Variants in PARD3 observed in about 807,000 individuals in gnomAD.
PARD3 encodes partitioning defective 3 homolog.
PARD3 carries 75 observed loss-of-function variants against 155.4 expected under a neutral mutation model. That is an observed-to-expected ratio of 0.48 (90% CI 0.40 to 0.58). The LOEUF (loss-of-function observed/expected upper bound fraction) is 0.58. PARD3 is among the 20% of genes least tolerant of loss of function. The pLI is 0.00. For synonymous variants in PARD3, 576 were observed against 610.5 expected (o/e 0.94, Z 0.83); for missense variants, 1,642 against 1,721.7 (o/e 0.95, Z 0.82).
At chr10:34,118,494 G>T (rs367596533) in intron 24 of PARD3, among the ~76,000 whole-genome samples, 12 of 152,300 alleles carry the variant, frequency 7.9e-5, no homozygotes, top group African/African-American at 2.2e-4. Flanking sequence ...ACAGGCATGT[G>T]CCACCAAGCC....
At chr10:34,705,663 G>A (rs1254036958) in intron 1 of PARD3, among the ~76,000 whole-genome samples, 2 of 152,102 alleles carry the variant, frequency 1.3e-5, no homozygotes, top group Non-Finnish European at 2.9e-5. Context: ...ATAATGACCT[G>A]TATCACCACA....
chr10:34,553,931 T>C (rs2084793826), intron 2 of PARD3, among the ~76,000 whole-genome samples: 2 of 152,216 alleles, frequency 1.3e-5, no homozygotes, highest in African/African-American at 4.8e-5. Flanking sequence ...TTTATGAATT[T>C]TACTGCTAGA....
intron 2 of PARD3, among the ~76,000 whole-genome samples, chr10:34,576,353 C>T (rs2086888196): frequency 6.6e-6 from 1 of 152,084 alleles, no homozygotes; most frequent in Non-Finnish European, 1.5e-5. Flanking sequence ...CTCTCATCAG[C>T]AATGTTTGTT....
At chr10:34,748,059 C>T (rs928191952) in intron 1 of PARD3, among the ~76,000 whole-genome samples, 7 of 152,188 alleles carry the variant, frequency 4.6e-5, no homozygotes, top group African/African-American at 1.2e-4. Flanking sequence ...ACTTTGCTGT[C>T]CGGAACATCA....
chr10:34,303,570 G>T (rs1957259843), intron 20 of PARD3, among the ~76,000 whole-genome samples: 2 of 151,458 alleles, frequency 1.3e-5, no homozygotes, highest in African/African-American at 2.4e-5. Context: ...CTCAACTTGG[G>T]ATGTTTTCCT....
chr10:34,346,752 GA>G (rs1837473675), intron 15 of PARD3, among the ~76,000 whole-genome samples: 1 of 152,154 alleles, frequency 6.6e-6, no homozygotes, highest in African/African-American at 2.4e-5. Context: ...CATGTAAAAA[GA>G]AAAATGTTGA....
chr10:34,702,928 G>C (rs2094305512), intron 1 of PARD3, among the ~76,000 whole-genome samples: 1 of 152,150 alleles, frequency 6.6e-6, no homozygotes, highest in South Asian at 2.1e-4. Context: ...AAGAACCAGA[G>C]ACTGTATAAA....
chr10:34,242,125 T>G (rs1277108432), intron 22 of PARD3, among the ~76,000 whole-genome samples: 2 of 152,206 alleles, frequency 1.3e-5, no homozygotes, highest in South Asian at 4.1e-4. Flanking sequence ...AATTCACTCC[T>G]GGAGCTCATG....
At chr10:34,133,468 C>A (rs528311188) in intron 22 of PARD3, among the ~76,000 whole-genome samples, 1 of 152,336 alleles carries the variant, frequency 6.6e-6, no homozygotes, top group African/African-American at 2.4e-5. Context: ...AACAGAACGT[C>A]AGACTTCTTG....
At chr10:34,673,606 C>G (rs553867760) in intron 2 of PARD3, among the ~76,000 whole-genome samples, 1 of 152,250 alleles carries the variant, frequency 6.6e-6, no homozygotes, top group East Asian at 1.9e-4. Flanking sequence ...GCTGGGGTGA[C>G]ATTAGTAGCC....
At chr10:34,403,085 G>A (rs747605440) in intron 5 of PARD3, among the ~76,000 whole-genome samples, 10 of 152,142 alleles carry the variant, frequency 6.6e-5, no homozygotes, top group Non-Finnish European at 1.2e-4. Context: ...TAGAAGCTCT[G>A]TAAATGTTTT....
At chr10:34,559,451 GAAA>G (rs10568249) in intron 2 of PARD3, among the ~76,000 whole-genome samples, 7 of 136,004 alleles carry the variant, frequency 5.1e-5, no homozygotes, top group East Asian at 4.5e-4. Context: ...AAAAAAAAAT[GAAA>G]AAAAAAAAAA....
At chr10:34,369,585 A>C (rs1327279133) in intron 12 of PARD3, among the ~76,000 whole-genome samples, 1 of 152,202 alleles carries the variant, frequency 6.6e-6, no homozygotes, top group Non-Finnish European at 1.5e-5. Context: ...GAGGTGAAAG[A>C]AACTGTCTTC....
intron 12 of PARD3, among the ~76,000 whole-genome samples, chr10:34,363,396 T>G (rs971633309): frequency 6.6e-6 from 1 of 152,232 alleles, no homozygotes; most frequent in Non-Finnish European, 1.5e-5. Context: ...AAGTCATTAT[T>G]ATCATTAAGA....
intron 16 of PARD3, among the ~76,000 whole-genome samples, chr10:34,337,938 G>T (rs1259321505): frequency 6.6e-6 from 1 of 152,212 alleles, no homozygotes; most frequent in East Asian, 1.9e-4. Context: ...ATTTCATAAG[G>T]CTGCAGTTTC....
intron 7 of PARD3, among the ~76,000 whole-genome samples, chr10:34,391,021 C>G (rs1331185973): frequency 1.3e-5 from 2 of 152,108 alleles, no homozygotes; most frequent in South Asian, 2.1e-4. Context: ...TGGCAGGGCT[C>G]AAGTCATCAT....
chr10:34,210,235 G>GTA (rs1286653880), intron 22 of PARD3, among the ~76,000 whole-genome samples: 2 of 152,260 alleles, frequency 1.3e-5, no homozygotes, highest in East Asian at 3.9e-4. Flanking sequence ...ATGTATGTAT[G>GTA]TGTGTGTGTA....
intron 7 of PARD3, among the ~76,000 whole-genome samples, chr10:34,392,300 C>T (rs1165730438): frequency 6.6e-6 from 1 of 151,912 alleles, no homozygotes; most frequent in East Asian, 1.9e-4. Flanking sequence ...TAAAAATAAA[C>T]TTTAACACAG....
At chr10:34,606,334 AGTCAC>A (rs148465819) in intron 2 of PARD3, among the ~76,000 whole-genome samples, 2,070 of 151,792 alleles carry the variant, frequency 0.014, 55 homozygotes, top group African/African-American at 0.047. Flanking sequence ...ACTCAGGCAG[AGTCAC>A]CCAGAGGAGG....
Sources: gnomAD v4.1 joint callset for allele counts (sites outside exome capture counted in the v4.1 genomes callset) on GRCh38, gnomAD v4.1.1 for gene constraint, MANE v1.5 for transcripts, NCBI Gene and HGNC (gene_info 2026-07-23, HGNC 2026-07-21) for gene names.